The following DIP2C variants were observed in gnomAD, a reference collection of about 807,000 sequenced individuals.
DIP2C encodes the protein disco-interacting protein 2 homolog C.
DIP2C carries 33 observed loss-of-function variants against 192.4 expected under a neutral mutation model. The ratio of observed to expected loss-of-function variants is 0.17; its 90% CI spans 0.13 to 0.23. DIP2C has a LOEUF of 0.23. DIP2C is among the 10% of genes least tolerant of loss of function. The probability of loss-of-function intolerance (pLI) is 1.00; values close to 1 mark genes in which losing one functional copy is unlikely to be tolerated. For synonymous variants in DIP2C, 979 were observed against 864.1 expected, an observed-to-expected ratio of 1.13 and a Z score of -2.33; for missense variants, 1,537 against 2,110.1, an observed-to-expected ratio of 0.73 and a Z score of 5.32.
chr10:581,607 T>A (rs901003575), intron 1 of DIP2C, among the ~76,000 whole-genome samples: 5 of 151,774 alleles, frequency 3.3e-5, no homozygotes, highest in Non-Finnish European at 7.3e-5. Flanking sequence ...CTTGAAGTAA[T>A]GGGTTCCATT....
intron 1 of DIP2C, among the ~76,000 whole-genome samples, chr10:599,690 G>C (rs533089787): frequency 6.6e-6 from 1 of 152,222 alleles, no homozygotes; most frequent in South Asian, 2.1e-4. Flanking sequence ...AGAGCCCAGA[G>C]CTCCAGTGCA....
At chr10:485,025 GC>G in intron 2 of DIP2C, 5 of 1,481,494 alleles carry the variant, frequency 3.4e-6, no homozygotes, top group Non-Finnish European at 4.5e-6. Flanking sequence ...GAGCAGAGCT[GC>G]CGACCCCATG....
At position 415,828 on chromosome 10, in the gene DIP2C, C is replaced by T. The variant is rs1965593495; in HGVS notation, c.800G>A (p.Arg267Gln). ...KIQQLVNTLK[R>Q]PKRPPLREFF... ...TTCTCGTAAAGGTGGTCGTTTCGGT[C>T]GTTTGAGGGTATTGACAAGCTGCTG... Residue 267 changes from arginine (R) to glutamine (Q), a missense_variant, in exon 7 of 37, where the codon CGA (arginine) becomes CAA (glutamine). By Grantham distance (43) the Arg-to-Gln change is conservative (BLOSUM62 1). Coordinates refer to ENST00000280886, the MANE Select transcript of DIP2C (RefSeq NM_014974.3). The T allele has an allele frequency of 1.1e-5, 18 of 1,613,800 alleles. No homozygotes were observed. The highest frequency in any genetic ancestry group is 1.6e-4 in the Middle Eastern group (1 of 6,062).
At chr10:354,021 T>C (rs1310713808) in intron 24 of DIP2C, among the ~76,000 whole-genome samples, 2 of 152,196 alleles carry the variant, frequency 1.3e-5, no homozygotes, top group Non-Finnish European at 2.9e-5. Context: ...ATCTCTTCAG[T>C]GTGCATACGA....
chr10:523,356 C>A (rs2487814), intron 1 of DIP2C, among the ~76,000 whole-genome samples: 1,346 of 112,522 alleles, frequency 0.012, no homozygotes, highest in East Asian at 0.017. Flanking sequence ...CCTGGAGTGA[C>A]GATGCAGGGA....
intron 1 of DIP2C, among the ~76,000 whole-genome samples, chr10:569,346 C>G (rs1179167613): frequency 1.3e-5 from 2 of 152,166 alleles, no homozygotes; most frequent in Non-Finnish European, 2.9e-5. Context: ...GATGCACCAT[C>G]CTGTGTTTAA....
chr10:332,346 G>T (rs1272671297), intron 29 of DIP2C, among the ~76,000 whole-genome samples: 1 of 152,204 alleles, frequency 6.6e-6, no homozygotes, highest in African/African-American at 2.4e-5. Flanking sequence ...CCTGGCCAGA[G>T]AATTTCAAAT....
chr10:336,079 T>C, intron 29 of DIP2C, among the ~76,000 whole-genome samples: 1 of 151,930 alleles, frequency 6.6e-6, no homozygotes, highest in East Asian at 1.9e-4. Context: ...AAAAAAAATG[T>C]TTTTGTAGGC....
chr10:330,386 T>C (rs1452476423), intron 29 of DIP2C, among the ~76,000 whole-genome samples: 1 of 152,196 alleles, frequency 6.6e-6, no homozygotes, highest in African/African-American at 2.4e-5. Context: ...TAAGTGTGGA[T>C]TTAACAACTT....
intron 9 of DIP2C, among the ~76,000 whole-genome samples, chr10:407,599 T>C (rs897241031): frequency 6.6e-6 from 1 of 152,122 alleles, no homozygotes; most frequent in Non-Finnish European, 1.5e-5. Context: ...CGTGCCCTTT[T>C]CAGTAGTTTA....
intron 18 of DIP2C, 35 bp from the exon 19 acceptor site, chr10:366,446 AG>A (rs1312957668): frequency 5.6e-6 from 9 of 1,613,334 alleles, no homozygotes; most frequent in Non-Finnish European, 4.2e-6. Flanking sequence ...GCAGTGTGAG[AG>A]GGGGCAGGTG....
intron 1 of DIP2C, among the ~76,000 whole-genome samples, chr10:524,324 C>A (rs140436939): frequency 6.6e-6 from 1 of 152,296 alleles, no homozygotes; most frequent in East Asian, 1.9e-4. Context: ...AGGGTCCCTG[C>A]TCAGATGCAA....
At chr10:529,968 G>A (rs547751010) in intron 1 of DIP2C, among the ~76,000 whole-genome samples, 40 of 152,338 alleles carry the variant, frequency 2.6e-4, no homozygotes, top group African/African-American at 5.5e-4. Context: ...TCGCCACCAC[G>A]TGGCGGGCCC....
chr10:426,810 A>T (rs1363670871), intron 4 of DIP2C, among the ~76,000 whole-genome samples: 1 of 152,238 alleles, frequency 6.6e-6, no homozygotes, highest in Non-Finnish European at 1.5e-5. Context: ...CACACCAAAA[A>T]GAAAAAGCAT....
intron 9 of DIP2C, among the ~76,000 whole-genome samples, chr10:400,349 C>T (rs1017442296): frequency 2.6e-5 from 4 of 152,204 alleles, no homozygotes; most frequent in Admixed American, 2.0e-4. Context: ...TGGTCCTTAA[C>T]AGTATGGTGT....
At chr10:610,150 G>T (rs1357787542) in intron 1 of DIP2C, among the ~76,000 whole-genome samples, 1 of 152,184 alleles carries the variant, frequency 6.6e-6, no homozygotes, top group Non-Finnish European at 1.5e-5. Flanking sequence ...ACACAGAGGA[G>T]AGAGCCCTGT....
At chr10:644,724 GC>G (rs1374972435) in intron 1 of DIP2C, among the ~76,000 whole-genome samples, 1 of 152,202 alleles carries the variant, frequency 6.6e-6, no homozygotes, top group African/African-American at 2.4e-5. Context: ...TCTGCCCAAT[GC>G]CCCCACTTCA....
chr10:387,064 T>C (rs1016436753), intron 14 of DIP2C, among the ~76,000 whole-genome samples: 3 of 152,008 alleles, frequency 2.0e-5, no homozygotes, highest in Admixed American at 6.5e-5. Flanking sequence ...AGTAACACAA[T>C]AGCAGGCCCC....
intron 9 of DIP2C, among the ~76,000 whole-genome samples, chr10:400,773 A>AT: frequency 7.0e-6 from 1 of 143,860 alleles, no homozygotes; most frequent in Non-Finnish European, 1.5e-5. Flanking sequence ...TAATCCTGTG[A>AT]TTTTACACGT....
Sources: allele counts gnomAD v4.1 joint callset (sites outside exome capture counted in the v4.1 genomes callset), GRCh38; gene constraint gnomAD v4.1.1; transcripts MANE v1.5; gene names NCBI Gene and HGNC (gene_info 2026-07-23, HGNC 2026-07-21).